The following RIC3 variants were observed in gnomAD, a reference collection of about 807,000 sequenced individuals.
The protein encoded by RIC3 is protein RIC-3.
RIC3 carries 28 observed loss-of-function variants against 27.3 expected under a neutral mutation model. The observed-to-expected ratio is 1.02, with a 90% CI of 0.76 to 1.41. The LOEUF is 1.41. RIC3 is among the 40% of genes most tolerant of loss of function. RIC3 has a pLI of 0.00. For synonymous variants in RIC3, 184 were observed against 160.4 expected (o/e 1.15, Z -1.11); for missense variants, 501 against 444.7 (o/e 1.13, Z -1.14).
At position 8,110,544 on chromosome 11, in the gene RIC3, A is replaced by G; in HGVS notation, c.*154T>C. Reference sequence around the variant, plus strand: ...TTTACAAGGTGACAGGTGTGTGAGCACCAGGAAGGATACATGATATCCATG... The same window carrying G: ...TTTACAAGGTGACAGGTGTGTGAGCGCCAGGAAGGATACATGATATCCATG... On this transcript the variant is annotated 3_prime_UTR_variant, in exon 6 of 6. Coordinates refer to ENST00000309737, the MANE Select transcript of RIC3 (RefSeq NM_001206671.4). 1 of 742,122 alleles carries G rather than the reference A, an allele frequency of 1.3e-6. No homozygotes were observed. The highest frequency in any genetic ancestry group is 2.0e-5 in the Admixed American group (1 of 51,176). The allele number at this position is 742,122 out of a possible 1,614,324, so 46.0% of individuals were successfully genotyped here. A position where few individuals can be genotyped will look rare whatever the true frequency, so the allele number is the denominator to read the frequency against.
At chr11:8,101,359 G>A (rs1015092603), downstream of RIC3, 3 of 1,263,298 alleles carry the variant, frequency 2.4e-6, no homozygotes, top group East Asian at 2.3e-5. Flanking sequence ...TTCCCTTTGT[G>A]ATTCCCCTGG....
At chr11:8,156,378 G>T (rs116199779) in intron 1 of RIC3, among the ~76,000 whole-genome samples, 1 of 151,958 alleles carries the variant, frequency 6.6e-6, no homozygotes, top group East Asian at 1.9e-4. Flanking sequence ...ATCTTTCTAG[G>T]GCTCATTTTC....
the RIC3 span, chr11:8,100,730 G>A: frequency 1.9e-6 from 3 of 1,570,132 alleles, no homozygotes; most frequent in Non-Finnish European, 2.6e-6. Context: ...GAGGTCTAGG[G>A]AAATCCAAGG....
downstream of RIC3, chr11:8,102,768 A>G (rs1054390209): frequency 2.6e-5 from 4 of 152,192 alleles, no homozygotes; most frequent in African/African-American, 7.2e-5. Flanking sequence ...AATCTAGTAC[A>G]ACCTTGTTGC....
chr11:8,137,183 C>A (rs1438605795), intron 4 of RIC3, among the ~76,000 whole-genome samples, 195 bp downstream of exon 4: 1 of 152,134 alleles, frequency 6.6e-6, no homozygotes, highest in Admixed American at 6.5e-5. Flanking sequence ...CACCACCACA[C>A]CTGGCTAATT....
At chr11:8,117,072 AT>A (rs200900331) in intron 5 of RIC3, among the ~76,000 whole-genome samples, 2,942 of 152,186 alleles carry the variant, frequency 0.019, 100 homozygotes, top group African/African-American at 0.066. Context: ...AGTACTTAGC[AT>A]TTTTTTGTTT....
chr11:8,110,642 G>C lies in RIC3; in HGVS notation c.*56C>G. 1.3e-6 allele frequency: 2 copies of C among 1,493,146 alleles called. No individual in the cohort carries two copies. The highest frequency in any genetic ancestry group is 1.9e-6 in the Non-Finnish European group (2 of 1,071,678). The allele number at this position is 1,493,146 out of a possible 1,614,324, so 92.5% of individuals were successfully genotyped here. On this transcript the variant is annotated 3_prime_UTR_variant, in exon 6 of 6. Transcript: ENST00000309737. ...GGGCACAGGGCCAAGAAGGAAATCT[G>C]AGGAGAGAGAGGTCACCTTGGGACT...
At chr11:8,138,667 C>A (rs74534280) in intron 2 of RIC3, 3,823 of 304,406 alleles carry the variant, frequency 0.013, 128 homozygotes, top group African/African-American at 0.077. Flanking sequence ...GCTTAGATAT[C>A]TGCTAGCCAT....
In RIC3 at chr11:8,140,138, G is replaced by T; in HGVS notation, c.180C>A (p.Gly60=). 2.5e-6 allele frequency: 4 copies of T among 1,614,074 alleles called. No homozygotes were observed. The highest frequency in any genetic ancestry group is 1.6e-4 in the Middle Eastern group (1 of 6,062). ...MMHHHQAPSD[G]QTPGARFQRS... ...TCTGGAAACGAGCCCCAGGAGTCTG[G>T]CCATCTGAGGGTGCCTGGTGATGAT... Residue 60 remains glycine (G), a synonymous_variant, in exon 2 of 6, where the codon GGC becomes GGA. Coordinates refer to ENST00000309737, the MANE Select transcript of RIC3 (RefSeq NM_001206671.4).
intron 3 of RIC3, among the ~76,000 whole-genome samples, 167 bp from the exon 4 acceptor site, chr11:8,137,638 A>G (rs1177696952): frequency 6.6e-6 from 1 of 152,232 alleles, no homozygotes; most frequent in African/African-American, 2.4e-5. Context: ...AAGATTTCCA[A>G]AAAGGATGCA....
chr11:8,104,807 C>T (rs1172926673), downstream of RIC3: 2 of 152,118 alleles, frequency 1.3e-5, no homozygotes, highest in Non-Finnish European at 2.9e-5. Context: ...ACATAATGTC[C>T]AGATCTATGG....
In RIC3 at chr11:8,138,151, T is replaced by A. The variant is rs75131852; in HGVS notation, c.427+121A>T. 6,877 of 629,320 alleles carry A rather than the reference T, an allele frequency of 0.011. 357 individuals carry two copies. In the African/African-American group the frequency reaches 0.11, roughly 10 times the overall value. 39.0% of individuals were successfully genotyped at this position (629,320 alleles called of 1,614,324 possible). A position where few individuals can be genotyped will look rare whatever the true frequency, so the allele number is the denominator to read the frequency against. On this transcript the variant is annotated intron_variant, in intron 3 of 5. Transcript: ENST00000309737. Reference sequence around the variant, plus strand: ...TCCCAGAACTAAGGCAAAAATGGCATCAGATTAATTTGGAGCAACTTTTGA... The same window carrying A: ...TCCCAGAACTAAGGCAAAAATGGCAACAGATTAATTTGGAGCAACTTTTGA...
chr11:8,128,856 G>A (rs189002480), intron 4 of RIC3, among the ~76,000 whole-genome samples: 1 of 144,714 alleles, frequency 6.9e-6, no homozygotes, highest in Non-Finnish European at 1.5e-5. Context: ...CCGGGTTCAC[G>A]CCATTCTCCT....
chr11:8,147,265 G>T (rs1404815194), intron 1 of RIC3, among the ~76,000 whole-genome samples: 1 of 152,128 alleles, frequency 6.6e-6, no homozygotes, highest in South Asian at 2.1e-4. Context: ...AAACTAAGCT[G>T]TGCCCTGACC....
At chr11:8,127,485 A>G (rs1229934289) in intron 4 of RIC3, among the ~76,000 whole-genome samples, 1 of 152,266 alleles carries the variant, frequency 6.6e-6, no homozygotes, top group African/African-American at 2.4e-5. Context: ...CTTGAAGCAC[A>G]GTGCTCAAGT....
At chr11:8,103,904 C>G (rs530503257), downstream of RIC3, 1 of 152,248 alleles carries the variant, frequency 6.6e-6, no homozygotes, top group Admixed American at 6.5e-5. Context: ...CTGCTTTCTC[C>G]TGTAGCACAA....
At chr11:8,168,218 T>C (rs1317524844) in intron 1 of RIC3, among the ~76,000 whole-genome samples, 1 of 152,194 alleles carries the variant, frequency 6.6e-6, no homozygotes, top group Non-Finnish European at 1.5e-5. Context: ...GAGGATGAAT[T>C]TTTAAACACC....
intron 1 of RIC3, among the ~76,000 whole-genome samples, chr11:8,142,354 T>C (rs1321469852): frequency 6.6e-6 from 1 of 150,762 alleles, no homozygotes; most frequent in Non-Finnish European, 1.5e-5. Context: ...TATCACCACC[T>C]ATCCCACAGA....
At chr11:8,155,335 G>A (rs1400506373) in intron 1 of RIC3, among the ~76,000 whole-genome samples, 1 of 152,056 alleles carries the variant, frequency 6.6e-6, no homozygotes, top group Admixed American at 6.6e-5. Context: ...CAGCACTTTG[G>A]GAGGCCAAGG....
Sources: gnomAD v4.1 joint callset for allele counts (sites outside exome capture counted in the v4.1 genomes callset) on GRCh38, gnomAD v4.1.1 for gene constraint, MANE v1.5 for transcripts, NCBI Gene and HGNC (gene_info 2026-07-23, HGNC 2026-07-21) for gene names.